Variants in NCKAP5 observed in about 807,000 individuals in gnomAD.
NCKAP5 encodes the protein nck-associated protein 5.
Under a neutral mutation model 167.0 loss-of-function variants are expected in NCKAP5, and 92 were observed. That is an observed-to-expected ratio of 0.55 (90% CI 0.47 to 0.66). NCKAP5 has a LOEUF of 0.66. Ranked by LOEUF, NCKAP5 falls within the 30% of genes least tolerant of loss-of-function variation. The pLI is 0.00. For missense variants in NCKAP5, 2,378 were observed against 2,315.0 expected, an observed-to-expected ratio of 1.03 and a Z score of -0.56; for synonymous variants, 891 against 877.4, an observed-to-expected ratio of 1.02 and a Z score of -0.27.
Position 132,838,554 on chromosome 2 carries a change from C to A in NCKAP5, c.807+21938G>T, listed in dbSNP as rs141867738. Among the ~76,000 whole-genome samples, 974 of 152,246 alleles carry A rather than the reference C, an allele frequency of 6.4e-3. 12 individuals carry two copies. Among genetic ancestry groups the A allele is most frequent in the African/African-American group, 0.022 (919 of 41,538 alleles). ...GGCTGAGGAAGGAGAATGGTGTGAA[C>A]CCAGCAAGCAGAGCTTGCAGTGAGC... On this transcript the variant is annotated intron_variant, in intron 11 of 19. Transcript: ENST00000409261.
intron 3 of NCKAP5, among the ~76,000 whole-genome samples, chr2:133,464,275 A>G (rs1692394350): frequency 6.6e-6 from 1 of 152,232 alleles, no homozygotes; most frequent in East Asian, 1.9e-4. Context: ...TTTTCACTTA[A>G]AGGAAGTACC....
chr2:132,832,436 T>A (rs1482632018), intron 11 of NCKAP5, among the ~76,000 whole-genome samples: 1 of 152,168 alleles, frequency 6.6e-6, no homozygotes, highest in Non-Finnish European at 1.5e-5. Flanking sequence ...ATAGATTGCA[T>A]AATGGTCCCA....
chr2:132,985,935 T>C (rs2077275006), intron 7 of NCKAP5, among the ~76,000 whole-genome samples: 1 of 152,304 alleles, frequency 6.6e-6, no homozygotes, highest in South Asian at 2.1e-4. Context: ...TAAATAACTG[T>C]GCAAAGACTT....
chr2:133,507,083 G>A (rs991418901), intron 3 of NCKAP5, among the ~76,000 whole-genome samples: 2 of 152,130 alleles, frequency 1.3e-5, no homozygotes, highest in South Asian at 2.1e-4. Flanking sequence ...AGTCTACTCC[G>A]GGAGGAAGGC....
At chr2:133,305,000 G>A (rs538822047) in intron 3 of NCKAP5, among the ~76,000 whole-genome samples, 2 of 152,324 alleles carry the variant, frequency 1.3e-5, no homozygotes, top group Non-Finnish European at 2.9e-5. Context: ...AAACCATATA[G>A]AGAAAAGGGA....
chr2:133,027,594 GGTA>G (rs1159173982), intron 6 of NCKAP5, among the ~76,000 whole-genome samples: 1 of 152,072 alleles, frequency 6.6e-6, no homozygotes, highest in Non-Finnish European at 1.5e-5. Context: ...TGACACTAAG[GGTA>G]TATAGGGAGT....
intron 19 of NCKAP5, among the ~76,000 whole-genome samples, chr2:132,675,854 AAGCAAAC>A (rs1684383748): frequency 2.0e-5 from 3 of 152,064 alleles, no homozygotes; most frequent in African/African-American, 7.3e-5. Flanking sequence ...AAAAAAAAAA[AAGCAAAC>A]AAGAAACATG....
intron 11 of NCKAP5, among the ~76,000 whole-genome samples, chr2:132,821,397 AG>A (rs148369865): frequency 0.089 from 13,487 of 152,216 alleles, 673 homozygotes; most frequent in East Asian, 0.2. Flanking sequence ...TTCTAGCTTA[AG>A]CCCCAGGAAG....
intron 6 of NCKAP5, among the ~76,000 whole-genome samples, chr2:133,026,377 T>C (rs1302805212): frequency 9.1e-6 from 1 of 109,908 alleles, no homozygotes; most frequent in Non-Finnish European, 2.1e-5. Context: ...TCTGTTCTAG[T>C]GTTTTTTTTT....
rs751094674 is a variant in NCKAP5 at position 132,783,984 on chromosome 2, G to A, written c.2827C>T (p.Pro943Ser). Residue 943 changes from proline (P) to serine (S), a missense_variant, in exon 14 of 20, where the codon CCC becomes TCC. Pro to Ser is a moderately conservative substitution (Grantham distance 74). Transcript: ENST00000409261. ...GGTGCTGGTGAATAGTCATAGCTGG[G>A]CCTGGCCAGCAGGGAGACGGACCTG... Reference protein sequence around the residue: ...PGRSVSLLARPSYDYSPAPSS... With the variant: ...PGRSVSLLARSSYDYSPAPSS... 1.9e-6 allele frequency: 3 copies of A among 1,595,426 alleles called. No homozygotes were observed. Among genetic ancestry groups the A allele is most frequent in the African/African-American group, 2.7e-5 (2 of 74,284 alleles).
At chr2:133,029,557 C>T (rs2078812066) in intron 6 of NCKAP5, among the ~76,000 whole-genome samples, 1 of 152,126 alleles carries the variant, frequency 6.6e-6, no homozygotes, top group South Asian at 2.1e-4. Context: ...AAAAATGGTT[C>T]ATATTTAAAA....
intron 8 of NCKAP5, among the ~76,000 whole-genome samples, chr2:132,925,702 G>A (rs1695828076): frequency 6.6e-6 from 1 of 152,108 alleles, no homozygotes; most frequent in African/African-American, 2.4e-5. Flanking sequence ...AGCCCACAGA[G>A]AGATAACAGG....
At chr2:133,134,967 T>C (rs866002325) in intron 5 of NCKAP5, among the ~76,000 whole-genome samples, 1 of 149,230 alleles carries the variant, frequency 6.7e-6, no homozygotes, top group Non-Finnish European at 1.5e-5. Context: ...GTTTACTTAC[T>C]TGGCCCACAA....
rs550985072 is a variant in NCKAP5, at chr2:133,426,043, G to A, written c.69+91415C>T. Reference sequence around the variant, plus strand: ...TCCCAGCACTTTGGGAGGCCAAGGCGGGAGGATCACGAGGTCAGGAGTTCA... The same window carrying A: ...TCCCAGCACTTTGGGAGGCCAAGGCAGGAGGATCACGAGGTCAGGAGTTCA... On this transcript the variant is annotated intron_variant, in intron 3 of 19. Coordinates refer to ENST00000409261, the MANE Select transcript of NCKAP5 (RefSeq NM_207363.3). Among the ~76,000 whole-genome samples the A allele has an allele frequency of 8.5e-5, 13 of 152,194 alleles. No homozygotes were observed. The South Asian group carries it at 1.2e-3, about 15-fold the overall frequency.
At chr2:133,331,652 C>T (rs1682862814) in intron 3 of NCKAP5, among the ~76,000 whole-genome samples, 1 of 152,172 alleles carries the variant, frequency 6.6e-6, no homozygotes, top group Middle Eastern at 3.2e-3. Context: ...AAACAGCCAA[C>T]CCAGGACCGG....
chr2:133,002,526 G>A (rs912991205), intron 6 of NCKAP5, among the ~76,000 whole-genome samples: 1 of 152,236 alleles, frequency 6.6e-6, no homozygotes, highest in South Asian at 2.1e-4. Flanking sequence ...TCAGAAAAGG[G>A]GAAACTATTG....
intron 19 of NCKAP5, among the ~76,000 whole-genome samples, chr2:132,674,833 G>A (rs144117968): frequency 2.0e-5 from 3 of 152,046 alleles, no homozygotes; most frequent in African/African-American, 4.8e-5. Flanking sequence ...TACTACTAAC[G>A]TGCAGAAACA....
At chr2:132,824,920 C>G (rs1442026302) in intron 11 of NCKAP5, among the ~76,000 whole-genome samples, 1 of 152,130 alleles carries the variant, frequency 6.6e-6, no homozygotes, top group East Asian at 1.9e-4. Context: ...GTATTTGAAG[C>G]CATGGAGATT....
intron 3 of NCKAP5, among the ~76,000 whole-genome samples, chr2:133,312,334 A>G (rs752735028): frequency 1.3e-5 from 2 of 152,152 alleles, no homozygotes; most frequent in East Asian, 3.9e-4. Context: ...ACATACTTCA[A>G]TTTGTTGGAT....
Sources: allele counts gnomAD v4.1 joint callset (sites outside exome capture counted in the v4.1 genomes callset), GRCh38; gene constraint gnomAD v4.1.1; transcripts MANE v1.5; gene names NCBI Gene and HGNC (gene_info 2026-07-23, HGNC 2026-07-21).